The following GABRG1 variants were observed in gnomAD, a reference collection of about 807,000 sequenced individuals.
GABRG1 encodes the protein gamma-aminobutyric acid type A receptor subunit gamma1, also known as gamma-aminobutyric acid receptor subunit gamma-1.
In GABRG1, 49 loss-of-function variants were observed where a neutral mutation model predicts 49.8. That is an observed-to-expected ratio of 0.98 (90% CI 0.78 to 1.25). The LOEUF is 1.25. Among genes scored for constraint, GABRG1 ranks in the 50% most tolerant of loss-of-function variants. GABRG1 has a pLI of 0.00. For missense variants in GABRG1, 552 were observed against 552.3 expected, an observed-to-expected ratio of 1.00 and a Z score of 0.01; for synonymous variants, 232 against 185.1, an observed-to-expected ratio of 1.25 and a Z score of -2.06.
chr4:46,064,775 T>G (rs1718843299), intron 4 of GABRG1, among the ~76,000 whole-genome samples: 1 of 152,142 alleles, frequency 6.6e-6, no homozygotes, highest in South Asian at 2.1e-4. Context: ...GATCTCTGTG[T>G]TTACACATAA....
intron 1 of GABRG1, among the ~76,000 whole-genome samples, chr4:46,114,037 A>G (rs1435792762): frequency 6.6e-6 from 1 of 151,062 alleles, no homozygotes; most frequent in East Asian, 2.0e-4. Flanking sequence ...TTAGACCTAA[A>G]ATCAAAAAGT....
intron 8 of GABRG1, among the ~76,000 whole-genome samples, chr4:46,050,817 C>A (rs1718186236): frequency 1.3e-5 from 2 of 151,870 alleles, no homozygotes; most frequent in South Asian, 4.1e-4. Flanking sequence ...GTGTCTGGAA[C>A]ATTCAACATG....
intron 1 of GABRG1, among the ~76,000 whole-genome samples, chr4:46,107,315 A>T (rs1418856909): frequency 5.9e-5 from 9 of 151,278 alleles, no homozygotes; most frequent in Non-Finnish European, 8.9e-5. Flanking sequence ...TAAATTGAAT[A>T]ATATATATGT....
rs528614759 is a variant in GABRG1, at chr4:46,073,360, T to C, written c.322-7776A>G. On this transcript the variant is annotated intron_variant, in intron 3 of 8. Coordinates refer to ENST00000295452, the MANE Select transcript of GABRG1 (RefSeq NM_173536.4). ...TAGAACGTGTAAGAGATTCTGATCA[T>C]GTACTCCACAATTTTAAACTCTTTA... Among the ~76,000 whole-genome samples the C allele has an allele frequency of 1.7e-4, 26 of 152,156 alleles. No individual in the cohort carries two copies. The East Asian group carries it at 3.3e-3, about 19-fold the overall frequency.
intron 3 of GABRG1, among the ~76,000 whole-genome samples, chr4:46,071,767 G>A (rs896367018): frequency 6.6e-6 from 1 of 151,658 alleles, no homozygotes; most frequent in African/African-American, 2.4e-5. Context: ...ACAAAATAAT[G>A]ACACAAAGAA....
At chr4:46,075,545 C>T (rs1479084157) in intron 3 of GABRG1, among the ~76,000 whole-genome samples, 11 of 151,960 alleles carry the variant, frequency 7.2e-5, no homozygotes, top group Admixed American at 6.6e-5. Context: ...TTACTGTATC[C>T]GAATCCCCTG....
chr4:46,045,825 A>G (rs530583017), intron 8 of GABRG1, among the ~76,000 whole-genome samples: 1 of 152,178 alleles, frequency 6.6e-6, no homozygotes, highest in African/African-American at 2.4e-5. Flanking sequence ...TTGGCCTCCC[A>G]AAGTGCTGGA....
At position 46,078,398 on chromosome 4, in the gene GABRG1, T is replaced by A. The variant is rs563525735; in HGVS notation, c.321+5588A>T. 1.6e-4 allele frequency among the ~76,000 whole-genome samples: 24 copies of A among 152,082 alleles called. No homozygotes were observed. The East Asian group carries it at 4.1e-3, about 26-fold the overall frequency. On this transcript the variant is annotated intron_variant, in intron 3 of 8. Transcript: ENST00000295452. ...AGTAAAATGAATAAAAAGGGTTTCT[T>A]TGATGTGTAGAAACTATAGCTAAAG...
At chr4:46,060,336 T>A (rs997580281) in intron 5 of GABRG1, among the ~76,000 whole-genome samples, 8 of 152,010 alleles carry the variant, frequency 5.3e-5, no homozygotes, top group Non-Finnish European at 1.2e-4. Context: ...GTATGCCAAC[T>A]TTATGTGGAG....
chr4:46,111,731 G>A (rs1302100192), intron 1 of GABRG1, among the ~76,000 whole-genome samples: 2 of 151,268 alleles, frequency 1.3e-5, no homozygotes, highest in Non-Finnish European at 3.0e-5. Flanking sequence ...GCAAAAATAA[G>A]CAATGAGAAA....
Position 46,056,864 on chromosome 4 carries a change from C to G in GABRG1, c.916+1353G>C, listed in dbSNP as rs147845510. On this transcript the variant is annotated intron_variant, in intron 7 of 8. Transcript: ENST00000295452. ...GTCAAGTTACATCTGGCTGTGCTTACCTTTATGATTGATATGCTAATATTG... is the reference window on the plus strand; with the variant it reads ...GTCAAGTTACATCTGGCTGTGCTTAGCTTTATGATTGATATGCTAATATTG... Among the ~76,000 whole-genome samples the G allele has an allele frequency of 2.9e-3, 436 of 152,146 alleles. 3 individuals are homozygous for G. The highest frequency in any genetic ancestry group is 1.0e-2 in the African/African-American group (414 of 41,524).
chr4:46,085,863 T>C (rs954159808), intron 2 of GABRG1, among the ~76,000 whole-genome samples: 19 of 151,542 alleles, frequency 1.3e-4, no homozygotes, highest in Non-Finnish European at 1.0e-4. Context: ...AAGATATGAG[T>C]GATGTTCAAA....
At chr4:46,054,810 T>TACAACTA (rs1718371274) in intron 7 of GABRG1, among the ~76,000 whole-genome samples, 1 of 15,036 alleles carries the variant, frequency 6.7e-5, no homozygotes, top group Non-Finnish European at 1.1e-4. Flanking sequence ...ACAATTTGAC[T>TACAACTA]TCCTCTTTTC....
intron 3 of GABRG1, among the ~76,000 whole-genome samples, chr4:46,067,799 T>G (rs1206528765): frequency 6.6e-6 from 1 of 152,142 alleles, no homozygotes. Context: ...TAATTCGTAT[T>G]TACGCTGTAG....
At chr4:46,095,879 T>A (rs1487751640) in intron 2 of GABRG1, among the ~76,000 whole-genome samples, 5 of 151,860 alleles carry the variant, frequency 3.3e-5, no homozygotes, top group Non-Finnish European at 7.4e-5. Flanking sequence ...CGTAAGTGAA[T>A]TCATTTCACA....
At chr4:46,123,067 T>TTCTCTCTC (rs139347395) in intron 1 of GABRG1, among the ~76,000 whole-genome samples, 5 of 144,052 alleles carry the variant, frequency 3.5e-5, no homozygotes, top group South Asian at 2.2e-4. Context: ...GGTGACACTT[T>TTCTCTCTC]TCTCTCTCTC....
chr4:46,105,133 G>A (rs1458076745), intron 1 of GABRG1, among the ~76,000 whole-genome samples: 1 of 151,254 alleles, frequency 6.6e-6, no homozygotes, highest in Non-Finnish European at 1.5e-5. Flanking sequence ...AGGAGACTTC[G>A]GAAATCCAAA....
At chr4:46,079,348 G>A (rs1434349476) in intron 3 of GABRG1, among the ~76,000 whole-genome samples, 11 of 151,838 alleles carry the variant, frequency 7.2e-5, no homozygotes, top group Admixed American at 1.3e-4. Flanking sequence ...CCCTGTCTCC[G>A]TTACTAAGAG....
intron 4 of GABRG1, 133 bp from the exon 5 acceptor site, chr4:46,064,656 T>C (rs1367964806): frequency 7.2e-6 from 3 of 416,098 alleles, no homozygotes; most frequent in Non-Finnish European, 1.3e-5. Flanking sequence ...ATAATGATTC[T>C]AAAGTCTCAA....
Sources: gnomAD v4.1 joint callset for allele counts (sites outside exome capture counted in the v4.1 genomes callset) on GRCh38, gnomAD v4.1.1 for gene constraint, MANE v1.5 for transcripts, NCBI Gene and HGNC (gene_info 2026-07-23, HGNC 2026-07-21) for gene names.